The following PTPRN2 variants were observed in gnomAD, a reference collection of about 807,000 sequenced individuals.
PTPRN2 encodes protein tyrosine phosphatase receptor type N2.
Under a neutral mutation model 118.8 loss-of-function variants are expected in PTPRN2, and 74 were observed. The ratio of observed to expected loss-of-function variants is 0.62; its 90% confidence interval spans 0.52 to 0.76. The LOEUF (loss-of-function observed/expected upper bound fraction) is 0.76. Among genes scored for constraint, PTPRN2 ranks in the 30% least tolerant of loss-of-function variants. The pLI is 0.00. For synonymous variants in PTPRN2, 641 were observed against 608.0 expected, an observed-to-expected ratio of 1.05 and a Z score of -0.80; for missense variants, 1,481 against 1,394.4, an observed-to-expected ratio of 1.06 and a Z score of -0.99.
intron 1 of PTPRN2, among the ~76,000 whole-genome samples, chr7:158,583,781 G>A (rs1195608894): frequency 6.6e-6 from 1 of 152,162 alleles, no homozygotes; most frequent in African/African-American, 2.4e-5. Context: ...GAGCAGGAGA[G>A]ACAGGGAACA....
chr7:157,906,024 G>T (rs1327328774), intron 11 of PTPRN2, among the ~76,000 whole-genome samples: 1 of 152,192 alleles, frequency 6.6e-6, no homozygotes, highest in Non-Finnish European at 1.5e-5. Context: ...CGTGCAGGGG[G>T]TCAGCATCTC....
At chr7:157,654,251 C>T (rs1445902800) in intron 14 of PTPRN2, among the ~76,000 whole-genome samples, 1 of 135,176 alleles carries the variant, frequency 7.4e-6, no homozygotes, top group Non-Finnish European at 1.6e-5. Flanking sequence ...GCACGATGCC[C>T]ACCACTCCCC....
chr7:158,144,427 T>G (rs1819694332), intron 6 of PTPRN2, among the ~76,000 whole-genome samples: 1 of 152,154 alleles, frequency 6.6e-6, no homozygotes, highest in African/African-American at 2.4e-5. Context: ...TTCTTGAGCC[T>G]AGGAGTTGGA....
rs1380728448 is a variant in PTPRN2, at chr7:157,990,255, AGATCATAAGCAG to A, written c.1723+91031_1723+91042del. Among the ~76,000 whole-genome samples, 8 of 152,224 alleles carry A rather than the reference AGATCATAAGCAG, an allele frequency of 5.3e-5. No homozygotes were observed. In the South Asian group the frequency reaches 1.5e-3, roughly 28 times the overall value. On this transcript the variant is annotated intron_variant, in intron 11 of 22. Coordinates refer to ENST00000389418, the MANE Select transcript of PTPRN2 (RefSeq NM_002847.5). This position sits in a 1 kb window ranked among gnomAD's most constrained non-coding sequence, Gnocchi z 4.3. ...AGACCGGGCACTCGTGGAGTTCAACAGATCATAAGCAGGATCCAGGGTCGTGTAGCGACACAG... is the reference window on the plus strand; with the variant it reads ...AGACCGGGCACTCGTGGAGTTCAACAGATCCAGGGTCGTGTAGCGACACAG...
chr7:158,079,299 A>T (rs566364312), intron 11 of PTPRN2, among the ~76,000 whole-genome samples: 6 of 152,356 alleles, frequency 3.9e-5, no homozygotes, highest in African/African-American at 1.4e-4. Context: ...ACATGGAGGC[A>T]CTGGTGCAAG....
At chr7:158,043,941 T>C (rs1436739258) in intron 11 of PTPRN2, among the ~76,000 whole-genome samples, 1 of 152,180 alleles carries the variant, frequency 6.6e-6, no homozygotes, top group Non-Finnish European at 1.5e-5. Flanking sequence ...GCACCTAACG[T>C]ACGCTGACCA....
At chr7:158,407,821 C>T (rs904432268) in intron 2 of PTPRN2, among the ~76,000 whole-genome samples, 6 of 152,236 alleles carry the variant, frequency 3.9e-5, no homozygotes, top group Non-Finnish European at 7.3e-5. Flanking sequence ...GAACCATCGC[C>T]GTGCTCAGTG....
intron 3 of PTPRN2, among the ~76,000 whole-genome samples, chr7:158,274,865 G>A (rs1046967052): frequency 5.9e-5 from 9 of 152,146 alleles, no homozygotes; most frequent in East Asian, 3.9e-4. Context: ...AATTCATTCC[G>A]AATATTTATT....
At chr7:157,563,590 T>C in intron 21 of PTPRN2, among the ~76,000 whole-genome samples, 1 of 121,310 alleles carries the variant, frequency 8.2e-6, no homozygotes, top group Non-Finnish European at 1.7e-5. Context: ...TGCTCCCGCA[T>C]CACCACACCA....
At chr7:157,864,339 G>A (rs58539972) in intron 12 of PTPRN2, 44 of 152,194 alleles carry the variant, frequency 2.9e-4, no homozygotes, top group African/African-American at 1.0e-3. Context: ...ACCTGGGGAC[G>A]GGCTGTATCA....
chr7:158,126,052 C>T (rs1259948844), intron 9 of PTPRN2, among the ~76,000 whole-genome samples: 3 of 148,734 alleles, frequency 2.0e-5, no homozygotes, highest in Admixed American at 6.7e-5. Flanking sequence ...GCCACACCAG[C>T]CCCCAGGACA....
At chr7:158,293,001 G>A (rs1800220541) in intron 3 of PTPRN2, among the ~76,000 whole-genome samples, 1 of 152,166 alleles carries the variant, frequency 6.6e-6, no homozygotes, top group Admixed American at 6.5e-5. Flanking sequence ...CACGGAGGCA[G>A]AGGTTGCAGT....
At chr7:158,068,879 G>A (rs149524975) in intron 11 of PTPRN2, among the ~76,000 whole-genome samples, 1 of 152,284 alleles carries the variant, frequency 6.6e-6, no homozygotes, top group East Asian at 1.9e-4. Flanking sequence ...TTGATAGAGT[G>A]CAAACTGTCT....
intron 12 of PTPRN2, among the ~76,000 whole-genome samples, chr7:157,736,713 G>C (rs1800318626): frequency 6.6e-6 from 1 of 151,480 alleles, no homozygotes; most frequent in South Asian, 2.1e-4. Context: ...GCTTGTCTTA[G>C]TGTGGGAGGC....
In PTPRN2 at chr7:157,879,387, ACACACACTCGTG is replaced by A. The variant is rs1407493689; in HGVS notation, c.1788+19274_1788+19285del. Among the ~76,000 whole-genome samples, 5 of 152,162 alleles carry A rather than the reference ACACACACTCGTG, an allele frequency of 3.3e-5. No homozygotes were observed. The South Asian group carries it at 1.0e-3, about 32-fold the overall frequency. On this transcript the variant is annotated intron_variant, in intron 12 of 22. Coordinates refer to ENST00000389418, the MANE Select transcript of PTPRN2 (RefSeq NM_002847.5). ...CACGCATGCACGTGCATGTGCACAC[ACACACACTCGTG>A]CACGCACACGTGCACGCACACACAC...
rs957001160 is a variant in PTPRN2, at chr7:157,548,950, G to A, written c.2972C>T (p.Thr991Met). 8.7e-6 allele frequency: 14 copies of A among 1,613,916 alleles called. No homozygotes were observed. Among genetic ancestry groups the A allele is most frequent in the Admixed American group, 6.7e-5 (4 of 60,004 alleles). Residue 991 changes from threonine to methionine, a missense_variant, in exon 22 of 23, where the codon ACG (threonine) becomes ATG (methionine). Thr to Met is a moderately conservative substitution (Grantham distance 81). Transcript: ENST00000389418. The stretch of plus-strand genomic sequence containing the variant: ...CGGAGGAGAGACTGACAGTACCTTC[G>A]TCTGGACCATGCCGGGTCTCTGGTC... ...LRDQRPGMVQ[T>M]KEQFEFALTA...
At chr7:158,411,742 G>A (rs772675913) in intron 2 of PTPRN2, among the ~76,000 whole-genome samples, 5 of 152,230 alleles carry the variant, frequency 3.3e-5, no homozygotes, top group Non-Finnish European at 7.3e-5. Context: ...ATGGGAGCAT[G>A]GTCTCAGGGG....
At chr7:158,069,168 C>T (rs1811015209) in intron 11 of PTPRN2, among the ~76,000 whole-genome samples, 2 of 152,154 alleles carry the variant, frequency 1.3e-5, no homozygotes, top group South Asian at 4.1e-4. Flanking sequence ...GTCTTATCAG[C>T]TCAAGATCCT....
chr7:157,998,459 C>T (rs770576036), intron 11 of PTPRN2, among the ~76,000 whole-genome samples: 5 of 152,146 alleles, frequency 3.3e-5, no homozygotes, highest in African/African-American at 1.2e-4. Flanking sequence ...GAGAGGAGCC[C>T]GTGTCCAGCC....
Sources: allele counts gnomAD v4.1 joint callset (sites outside exome capture counted in the v4.1 genomes callset), GRCh38; gene constraint gnomAD v4.1.1; non-coding constraint Gnocchi (gnomAD v3.1); transcripts MANE v1.5; gene names NCBI Gene and HGNC (gene_info 2026-07-23, HGNC 2026-07-21).